NBAS: variants seen among roughly 807,000 people sequenced by gnomAD.
NBAS encodes the protein NAG/BC035112 fusion.
In NBAS, 219 loss-of-function variants were observed where a neutral mutation model predicts 302.5. The ratio of observed to expected loss-of-function variants is 0.72; its 90% CI spans 0.65 to 0.81. NBAS has a LOEUF of 0.81. Ranked by LOEUF, NBAS falls within the 30% of genes least tolerant of loss-of-function variation. NBAS has a pLI of 0.00. For synonymous variants in NBAS, 1,118 were observed against 1,021.6 expected (o/e 1.09, Z -1.80); for missense variants, 2,932 against 2,841.6 (o/e 1.03, Z -0.72).
the NBAS span, among the ~76,000 whole-genome samples, chr2:14,938,849 A>G: frequency 6.6e-6 from 1 of 152,222 alleles, no homozygotes; most frequent in Non-Finnish European, 1.5e-5. Flanking sequence ...CTGAAGTGAT[A>G]TTGAGAATAA....
At chr2:15,190,963 A>G (rs1665326677) in intron 48 of NBAS, among the ~76,000 whole-genome samples, 1 of 152,230 alleles carries the variant, frequency 6.6e-6, no homozygotes, top group African/African-American at 2.4e-5. Flanking sequence ...TGCCAAATAC[A>G]AAACACCCAT....
At chr2:15,094,641 T>C in the NBAS span, among the ~76,000 whole-genome samples, 1 of 152,220 alleles carries the variant, frequency 6.6e-6, no homozygotes, top group Admixed American at 6.5e-5. Flanking sequence ...AGTCAAAGAC[T>C]GAGAGCTTTT....
At chr2:14,819,037 G>A in the NBAS span, among the ~76,000 whole-genome samples, 1 of 152,164 alleles carries the variant, frequency 6.6e-6, no homozygotes, top group Non-Finnish European at 1.5e-5. Flanking sequence ...TGCCACTCCT[G>A]TAGGCTCTGT....
intron 25 of NBAS, among the ~76,000 whole-genome samples, chr2:15,403,293 G>A (rs1275929243): frequency 2.0e-5 from 3 of 152,054 alleles, no homozygotes; most frequent in Non-Finnish European, 2.9e-5. Context: ...AAACTTTCAA[G>A]GTTACCAGGA....
chr2:15,416,625 G>C (rs1676946233), intron 24 of NBAS, among the ~76,000 whole-genome samples: 1 of 151,930 alleles, frequency 6.6e-6, no homozygotes, highest in Admixed American at 6.6e-5. Context: ...GGCCAACATG[G>C]TGAAACCCTA....
chr2:14,805,883 ATC>A, the NBAS span, among the ~76,000 whole-genome samples: 1,516 of 152,124 alleles, frequency 1.0e-2, 28 homozygotes, highest in African/African-American at 0.034. Context: ...TCTCCCCTTA[ATC>A]TCTGTTTTCA....
At chr2:15,338,710 C>CACACACACACACACACACACACACAT (rs1454097551) in intron 35 of NBAS, among the ~76,000 whole-genome samples, 7 of 148,742 alleles carry the variant, frequency 4.7e-5, no homozygotes, top group Non-Finnish European at 5.9e-5. Context: ...CACACACACA[C>CACACACACACACACACACACACACAT]ATCAAATTAG....
In NBAS at chr2:15,533,679, C is replaced by CGTGTGTGTGTGTGTGTGTGT. The variant is rs59222907; in HGVS notation, c.746+844_746+863dup. Among the ~76,000 whole-genome samples the CGTGTGTGTGTGTGTGTGTGT allele has an allele frequency of 6.3e-4, 91 of 144,020 alleles. 2 individuals are homozygous for CGTGTGTGTGTGTGTGTGTGT. Among genetic ancestry groups the CGTGTGTGTGTGTGTGTGTGT allele is most frequent in the Middle Eastern group, 7.0e-3 (2 of 284 alleles). The allele number at this position is 144,020 out of a possible 152,430, so 94.5% of individuals were successfully genotyped here. ...CACAAGGAGGACTTCGGGGGGTGTG[C>CGTGTGTGTGTGTGTGTGTGT]GTGTGTGTGTGTGTGTGTGTGTGTG... On this transcript the variant is annotated intron_variant, in intron 9 of 51. Transcript: ENST00000281513.
chr2:15,066,357 C>T, the NBAS span, among the ~76,000 whole-genome samples: 3 of 152,176 alleles, frequency 2.0e-5, no homozygotes, highest in South Asian at 6.2e-4. Context: ...AAAAACAAAA[C>T]CAAGCAAATG....
the NBAS span, among the ~76,000 whole-genome samples, chr2:15,036,990 G>C: frequency 6.6e-6 from 1 of 152,194 alleles, no homozygotes; most frequent in Non-Finnish European, 1.5e-5. Context: ...GATATGGGCA[G>C]GCAATGGGTG....
the NBAS span, among the ~76,000 whole-genome samples, chr2:14,944,924 C>T: frequency 1.3e-5 from 2 of 152,132 alleles, no homozygotes; most frequent in African/African-American, 4.8e-5. Context: ...TGGCAGGACA[C>T]TTGCCTCTGC....
rs1270215970 is a variant in NBAS at position 15,353,558 on chromosome 2, TC to T, written c.4083del (p.Thr1362GlnfsTer8). 1 of 1,614,044 alleles carries T rather than the reference TC, an allele frequency of 6.2e-7. No homozygotes were observed. Among genetic ancestry groups the T allele is most frequent in the Non-Finnish European group, 8.5e-7 (1 of 1,179,936 alleles). ...TCCTTTATCGAAGGACTTACTTCTG[TC>T]TGCAGAGAGCTGCTAGCTGCCAAAA... ...ELLLAASSSLQTEILYQRVNF... is the reference protein window; with the variant it reads ...ELLLAASSSLXTEILYQRVNF... On this transcript the variant is annotated frameshift_variant, in exon 34 of 52. Coordinates refer to ENST00000281513, the MANE Select transcript of NBAS (RefSeq NM_015909.4). LOFTEE classifies it high-confidence loss of function.
Position 15,296,642 on chromosome 2 carries a change from G to A in NBAS, c.4798-3876C>T, listed in dbSNP as rs186708769. The stretch of plus-strand genomic sequence containing the variant: ...GGCCAGAAGTTTAAGACCAGCCTGG[G>A]CAACATAGTGAGACCCTGTCTCCAC... On this transcript the variant is annotated intron_variant, in intron 40 of 51. Coordinates refer to ENST00000281513, the MANE Select transcript of NBAS (RefSeq NM_015909.4). Among the ~76,000 whole-genome samples, 136 of 152,174 alleles carry A rather than the reference G, an allele frequency of 8.9e-4. 3 individuals carry two copies. The highest frequency in any genetic ancestry group is 7.9e-4 in the Admixed American group (12 of 15,276).
At chr2:15,433,893 G>A (rs978703423) in intron 21 of NBAS, among the ~76,000 whole-genome samples, 19 of 151,756 alleles carry the variant, frequency 1.3e-4, no homozygotes, top group Non-Finnish European at 4.4e-5. Context: ...GAGCCCAGGA[G>A]TTTGAGACCA....
intron 6 of NBAS, among the ~76,000 whole-genome samples, chr2:15,547,345 G>C (rs1452008249): frequency 3.3e-5 from 5 of 152,078 alleles, no homozygotes; most frequent in Admixed American, 6.6e-5. Context: ...ATAAAGATGA[G>C]TCAGATAACA....
chr2:14,843,256 C>T, the NBAS span, among the ~76,000 whole-genome samples: 9 of 152,170 alleles, frequency 5.9e-5, no homozygotes, highest in South Asian at 1.9e-3. Flanking sequence ...AAGATCCGGA[C>T]CAAGACAAGG....
the NBAS span, among the ~76,000 whole-genome samples, chr2:14,796,003 T>C: frequency 1.3e-5 from 2 of 152,238 alleles, no homozygotes; most frequent in Admixed American, 1.3e-4. Flanking sequence ...TTCAGGTCTA[T>C]GATATAGTTT....
the NBAS span, among the ~76,000 whole-genome samples, chr2:14,837,696 C>A: frequency 2.0e-5 from 3 of 151,428 alleles, no homozygotes; most frequent in Admixed American, 2.0e-4. Flanking sequence ...TCACTTTTTG[C>A]TATAAACTTA....
chr2:15,350,535 G>A (rs981124457), intron 35 of NBAS, among the ~76,000 whole-genome samples: 1 of 152,136 alleles, frequency 6.6e-6, no homozygotes, highest in Non-Finnish European at 1.5e-5. Context: ...ATTCCCTGGA[G>A]CAAACACTGA....
Sources: gnomAD v4.1 joint callset for allele counts (sites outside exome capture counted in the v4.1 genomes callset) on GRCh38, gnomAD v4.1.1 for gene constraint, MANE v1.5 for transcripts, NCBI Gene and HGNC (gene_info 2026-07-23, HGNC 2026-07-21) for gene names.